Variants in ACOT12 observed in about 807,000 individuals in gnomAD.
ACOT12 encodes the protein acetyl-coenzyme A thioesterase.
A neutral mutation model predicts 67.7 loss-of-function variants in ACOT12; 51 were observed. The ratio of observed to expected loss-of-function variants is 0.75; its 90% CI spans 0.60 to 0.95. ACOT12 has a LOEUF of 0.95. Ranked by LOEUF, ACOT12 falls within the 40% of genes least tolerant of loss-of-function variation. The pLI, the probability that ACOT12 is intolerant of heterozygous loss-of-function variation, is 0.00. For missense variants in ACOT12, 734 were observed against 708.1 expected (o/e 1.04, Z -0.41); for synonymous variants, 251 against 244.6 (o/e 1.03, Z -0.24).
chr5:81,393,729 A>G (rs1204174935), intron 1 of ACOT12, among the ~76,000 whole-genome samples: 1 of 151,676 alleles, frequency 6.6e-6, no homozygotes, highest in African/African-American at 2.4e-5. Context: ...AAACAAACAA[A>G]CAAAAAACCC....
chr5:81,336,985 C>T (rs1011416306), intron 11 of ACOT12, among the ~76,000 whole-genome samples: 7 of 152,216 alleles, frequency 4.6e-5, no homozygotes, highest in Admixed American at 6.5e-5. Flanking sequence ...TTAAATCCAG[C>T]CTGCAAAGGA....
rs1214047480 is a variant in ACOT12, at chr5:81,372,287, CCTA to C, written c.198-480_198-478del. Among the ~76,000 whole-genome samples, 5 of 152,264 alleles carry C rather than the reference CCTA, an allele frequency of 3.3e-5. No individual in the cohort carries two copies. In the East Asian group the frequency reaches 9.6e-4, roughly 29 times the overall value. On this transcript the variant is annotated intron_variant, in intron 2 of 14. Transcript: ENST00000307624. ...ATGATGCTAGGTGGTCTACTCACTT[CCTA>C]CTATTATTGAAACTTCGATCATGTA...
chr5:81,318,005 C>G, the ACOT12 span, among the ~76,000 whole-genome samples: 1 of 151,774 alleles, frequency 6.6e-6, no homozygotes, highest in East Asian at 1.9e-4. Flanking sequence ...ACCTCAGCCT[C>G]CCAAGTAGCT....
rs1209218990 is a variant in ACOT12 at position 81,371,821 on chromosome 5, A to T, written c.198-11T>A. 14 of 1,613,100 alleles carry T rather than the reference A, an allele frequency of 8.7e-6. No homozygotes were observed. The highest frequency in any genetic ancestry group is 1.7e-6 in the Non-Finnish European group (2 of 1,179,270). On this transcript the variant is annotated splice_polypyrimidine_tract_variant and intron_variant, in intron 2 of 14. Coordinates refer to ENST00000307624, the MANE Select transcript of ACOT12 (RefSeq NM_130767.3). Reference sequence around the variant, plus strand: ...ATAACTTGTCCAACTCTAGGGAAAAACAAACAAAAAAACCTCAGTAGTTTT... The same window carrying T: ...ATAACTTGTCCAACTCTAGGGAAAATCAAACAAAAAAACCTCAGTAGTTTT...
Position 81,347,881 on chromosome 5 carries a change from G to A in ACOT12, c.546C>T (p.Ser182=), listed in dbSNP as rs775132119. The A allele has an allele frequency of 2.6e-5, 42 of 1,613,966 alleles. 1 individual carries two copies. The Admixed American group carries it at 4.2e-4, about 16-fold the overall frequency. The change falls in exon 6 of 15, where the codon TCC becomes TCT. Residue 182 remains serine, a synonymous_variant. Coordinates refer to ENST00000307624, the MANE Select transcript of ACOT12 (RefSeq NM_130767.3). The part of the protein sequence containing the change: ...EEGAVSTRGT[S]VQSIELVLPP... The stretch of plus-strand genomic sequence containing the variant: ...GGAGGACCAGTTCAATGCTCTGAAC[G>A]GAGGTGCCCCTTGTGGAAACCGCTC...
rs768561064 is a variant in ACOT12, at chr5:81,332,501, G to A, written c.1367C>T (p.Ser456Leu). The A allele has an allele frequency of 5.6e-6, 9 of 1,613,912 alleles. No individual in the cohort carries two copies. The highest frequency in any genetic ancestry group is 3.3e-5 in the Admixed American group (2 of 59,990). The stretch of plus-strand genomic sequence containing the variant: ...CCCATCTTTGAGGGGTTTTCTTCGT[G>A]ATACGAGTACTACCAAGTCTTTGGG... ...DKPKDLVVLV[S>L]RRKPLKDGNT... Residue 456 changes from serine to leucine, a missense_variant, in exon 13 of 15, where the codon TCA becomes TTA. Ser to Leu is a moderately radical substitution (Grantham distance 145). Coordinates refer to ENST00000307624, the MANE Select transcript of ACOT12 (RefSeq NM_130767.3).
chr5:81,309,238 A>G, the ACOT12 span: 1 of 445,212 alleles, frequency 2.2e-6, no homozygotes. Flanking sequence ...ACAAATCAGA[A>G]AAAACTAAGG....
intron 11 of ACOT12, among the ~76,000 whole-genome samples, chr5:81,338,377 T>C (rs1759074866): frequency 6.6e-6 from 1 of 152,132 alleles, no homozygotes. Flanking sequence ...GCTGTTCTTG[T>C]GATAGTGAGT....
chr5:81,355,318 G>T (rs1034331173), intron 5 of ACOT12, among the ~76,000 whole-genome samples: 1 of 151,964 alleles, frequency 6.6e-6, no homozygotes, highest in East Asian at 1.9e-4. Context: ...ACCTTGCTTC[G>T]GCAAGCTGAG....
chr5:81,317,187 A>G, the ACOT12 span, among the ~76,000 whole-genome samples: 1 of 152,136 alleles, frequency 6.6e-6, no homozygotes, highest in Non-Finnish European at 1.5e-5. Flanking sequence ...AGAACTACCC[A>G]AGGCTGGGTA....
chr5:81,382,932 C>T (rs1760626979), intron 2 of ACOT12, among the ~76,000 whole-genome samples: 1 of 151,870 alleles, frequency 6.6e-6, no homozygotes, highest in African/African-American at 2.4e-5. Flanking sequence ...TCAGGATACT[C>T]AGGTCATTAG....
intron 3 of ACOT12, among the ~76,000 whole-genome samples, chr5:81,367,399 A>T (rs1760112710): frequency 6.6e-6 from 1 of 152,234 alleles, no homozygotes; most frequent in Admixed American, 6.5e-5. Context: ...TGCATGTAAA[A>T]GGCATGACAA....
At chr5:81,312,787 G>A in the ACOT12 span, 9 of 658,344 alleles carry the variant, frequency 1.4e-5, no homozygotes, top group Middle Eastern at 3.7e-4. Flanking sequence ...TGATCTGGGT[G>A]TGGCCAAAAA....
intron 7 of ACOT12, among the ~76,000 whole-genome samples, chr5:81,345,375 C>T (rs1443340681): frequency 1.3e-5 from 2 of 152,064 alleles, no homozygotes; most frequent in African/African-American, 4.8e-5. Flanking sequence ...GTTAAGTTTT[C>T]TTCCCTAAAA....
chr5:81,386,524 C>A (rs1013004739), intron 1 of ACOT12, among the ~76,000 whole-genome samples: 6 of 151,816 alleles, frequency 4.0e-5, no homozygotes, highest in Admixed American at 3.9e-4. Context: ...GTTGGTTTTG[C>A]TTTACATAAA....
Position 81,344,865 on chromosome 5 carries a change from TTGAACCTCG to T in ACOT12, c.924+17_924+25del. The T allele has an allele frequency of 6.2e-7, 1 of 1,613,326 alleles. No homozygotes were observed. The highest frequency in any genetic ancestry group is 8.5e-7 in the Non-Finnish European group (1 of 1,179,302). ...AGCTCTCTATTCACAGGTCCGGCTA[TTGAACCTCG>T]TGTGATAATAACTGACCTTTGAAAT... is the stretch of plus-strand genomic sequence containing the variant. On this transcript the variant is annotated intron_variant, in intron 8 of 14. Transcript: ENST00000307624.
the ACOT12 span, among the ~76,000 whole-genome samples, chr5:81,313,646 TTG>T: frequency 1.3e-5 from 2 of 152,246 alleles, no homozygotes; most frequent in Non-Finnish European, 2.9e-5. Flanking sequence ...TCTAGTGGTT[TTG>T]TGTTTCATTT....
chr5:81,332,863 G>C (rs565037003), intron 12 of ACOT12, among the ~76,000 whole-genome samples: 2 of 152,064 alleles, frequency 1.3e-5, no homozygotes, highest in South Asian at 4.2e-4. Context: ...CAGGAGTTCA[G>C]GACTAACCTG....
the ACOT12 span, among the ~76,000 whole-genome samples, chr5:81,319,586 G>T: frequency 6.6e-6 from 1 of 152,078 alleles, no homozygotes; most frequent in Non-Finnish European, 1.5e-5. Context: ...GCGTTGTGGT[G>T]CATGCCTGTA....
Sources: allele counts gnomAD v4.1 joint callset (sites outside exome capture counted in the v4.1 genomes callset), GRCh38; gene constraint gnomAD v4.1.1; transcripts MANE v1.5; gene names NCBI Gene and HGNC (gene_info 2026-07-23, HGNC 2026-07-21).